The following LCORL variants were observed in gnomAD, a reference collection of about 807,000 sequenced individuals.
LCORL encodes ligand dependent nuclear receptor corepressor like.
Under a neutral mutation model 141.8 loss-of-function variants are expected in LCORL, and 41 were observed. The ratio of observed to expected loss-of-function variants is 0.29; its 90% CI spans 0.23 to 0.38. The LOEUF is 0.38. Ranked by LOEUF, LCORL falls within the 10% of genes least tolerant of loss-of-function variation. The pLI is 1.00. For synonymous variants in LCORL, 618 were observed against 694.1 expected, an observed-to-expected ratio of 0.89 and a Z score of 1.72; for missense variants, 1,759 against 2,035.0, an observed-to-expected ratio of 0.86 and a Z score of 2.61.
intron 1 of LCORL, among the ~76,000 whole-genome samples, chr4:17,982,557 G>C (rs1246821204): frequency 6.6e-6 from 1 of 152,116 alleles, no homozygotes; most frequent in African/African-American, 2.4e-5. Flanking sequence ...ATACTTGTTG[G>C]CTGCATGCAC....
intron 1 of LCORL, among the ~76,000 whole-genome samples, chr4:17,995,570 T>G (rs545223742): frequency 6.6e-6 from 1 of 152,118 alleles, no homozygotes; most frequent in Non-Finnish European, 1.5e-5. Context: ...TTTCCCTAAT[T>G]TATACTTATG....
chr4:17,911,350 C>A (rs1387839868), intron 4 of LCORL, among the ~76,000 whole-genome samples: 1 of 152,128 alleles, frequency 6.6e-6, no homozygotes, highest in African/African-American at 2.4e-5. Context: ...AAAACCTATG[C>A]ATAGGTTTCA....
intron 7 of LCORL, among the ~76,000 whole-genome samples, chr4:17,872,167 G>A (rs927592374): frequency 6.6e-6 from 1 of 150,804 alleles, no homozygotes; most frequent in Non-Finnish European, 1.5e-5. Flanking sequence ...ATTTCCAAAT[G>A]TAAAATTTCT....
intron 4 of LCORL, among the ~76,000 whole-genome samples, chr4:17,919,090 A>G (rs1382177730): frequency 6.6e-6 from 1 of 152,196 alleles, no homozygotes; most frequent in Non-Finnish European, 1.5e-5. Flanking sequence ...TCTTAAAAAA[A>G]CACAAAAGAT....
Position 17,985,957 on chromosome 4 carries a change from A to G in LCORL, c.155-13072T>C, listed in dbSNP as rs147272406. The stretch of plus-strand genomic sequence containing the variant: ...AGATCTCTTGTAAGGCAGGTCTGAT[A>G]GTAACAAATACCCTCAGTATTTGCT... On this transcript the variant is annotated intron_variant, in intron 1 of 7. Coordinates refer to ENST00000635767, the Ensembl canonical transcript of LCORL. 2.8e-4 allele frequency among the ~76,000 whole-genome samples: 43 copies of G among 152,302 alleles called. No individual in the cohort carries two copies. In the East Asian group the frequency reaches 3.3e-3, roughly 12 times the overall value.
At chr4:17,974,381 A>G (rs1345291855) in intron 1 of LCORL, among the ~76,000 whole-genome samples, 2 of 152,174 alleles carry the variant, frequency 1.3e-5, no homozygotes, top group East Asian at 3.8e-4. Flanking sequence ...GCTGACAAAT[A>G]CATCTTTTTG....
chr4:17,998,217 G>C (rs1194235661), intron 1 of LCORL, among the ~76,000 whole-genome samples: 2 of 152,158 alleles, frequency 1.3e-5, no homozygotes, highest in Admixed American at 6.5e-5. Context: ...AAGTTGCTCT[G>C]GGTGAGTGAG....
In LCORL at chr4:17,980,955, T is replaced by C. The variant is rs760724895; in HGVS notation, c.155-8070A>G. ...AACCATGCCCCTGTCCATGGAAAAATTGTCTTTCACAAAACTGGTCCCTGG... is the reference window on the plus strand; with the variant it reads ...AACCATGCCCCTGTCCATGGAAAAACTGTCTTTCACAAAACTGGTCCCTGG... On this transcript the variant is annotated intron_variant, in intron 1 of 7. Coordinates refer to ENST00000635767, the Ensembl canonical transcript of LCORL. Among the ~76,000 whole-genome samples the C allele has an allele frequency of 1.4e-4, 22 of 152,168 alleles. No individual in the cohort carries two copies. In the East Asian group the frequency reaches 1.9e-3, roughly 13 times the overall value.
intron 2 of LCORL, among the ~76,000 whole-genome samples, chr4:17,968,455 T>C (rs1052168785): frequency 6.6e-6 from 1 of 152,194 alleles, no homozygotes; most frequent in African/African-American, 2.4e-5. Flanking sequence ...TCACAGCATC[T>C]AAGACAAAAT....
chr4:17,925,797 G>A (rs112587869), intron 4 of LCORL, among the ~76,000 whole-genome samples: 1 of 150,716 alleles, frequency 6.6e-6, no homozygotes, highest in Admixed American at 6.6e-5. Context: ...TTTGAACCTG[G>A]GAGGTGGAGG....
chr4:17,966,916 T>TC (rs1368808678), intron 2 of LCORL, among the ~76,000 whole-genome samples: 1 of 152,132 alleles, frequency 6.6e-6, no homozygotes, highest in East Asian at 1.9e-4. Flanking sequence ...TCAATGATGC[T>TC]CCTAAATATT....
At chr4:17,855,588 T>C (rs1724264839) in intron 7 of LCORL, among the ~76,000 whole-genome samples, 1 of 152,214 alleles carries the variant, frequency 6.6e-6, no homozygotes, top group Non-Finnish European at 1.5e-5. Context: ...AATTTTGCAG[T>C]GTCTTCCCAT....
At chr4:17,995,950 T>C (rs1186010060) in intron 1 of LCORL, among the ~76,000 whole-genome samples, 2 of 152,108 alleles carry the variant, frequency 1.3e-5, no homozygotes, top group African/African-American at 4.8e-5. Context: ...ACTTGGAATA[T>C]TATCAACACC....
chr4:17,884,910 CA>C lies in LCORL; in HGVS notation c.776+1157del, dbSNP rs199862708. ...GTGAGATGTAGTAGTTACTCCTTATCAAAGCAAACGCTACAGTCCTGGTAGG... is the reference window on the plus strand; with the variant it reads ...GTGAGATGTAGTAGTTACTCCTTATCAAGCAAACGCTACAGTCCTGGTAGG... On this transcript the variant is annotated intron_variant, in intron 6 of 7. Coordinates refer to ENST00000635767, the Ensembl canonical transcript of LCORL. The surrounding 1 kb of genome is among the most constrained non-coding windows in gnomAD (Gnocchi z 4.4). 6.4e-4 allele frequency among the ~76,000 whole-genome samples: 97 copies of C among 152,044 alleles called. 1 individual carries two copies. The East Asian group carries it at 0.018, about 28-fold the overall frequency.
chr4:17,990,170 C>G (rs1719730889), intron 1 of LCORL, among the ~76,000 whole-genome samples: 1 of 146,666 alleles, frequency 6.8e-6, no homozygotes, highest in African/African-American at 2.5e-5. Flanking sequence ...ACGATCTCGG[C>G]TCACTGCAAG....
At chr4:17,921,973 A>G (rs1272518125) in intron 4 of LCORL, among the ~76,000 whole-genome samples, 2 of 152,154 alleles carry the variant, frequency 1.3e-5, no homozygotes, top group African/African-American at 2.4e-5. Context: ...GTGGTTTGAC[A>G]GGGGCTCTCA....
chr4:17,846,951 CTG>C (rs989923254), intron 7 of LCORL, among the ~76,000 whole-genome samples: 5 of 152,166 alleles, frequency 3.3e-5, no homozygotes, highest in African/African-American at 7.2e-5. Context: ...ATTCTTTTCT[CTG>C]TGAAGATAAG....
chr4:17,983,917 C>T (rs1158393126), intron 1 of LCORL, among the ~76,000 whole-genome samples: 1 of 151,996 alleles, frequency 6.6e-6, no homozygotes, highest in Non-Finnish European at 1.5e-5. Flanking sequence ...TCATATGTGG[C>T]TCTTATTATT....
At chr4:17,934,034 A>G (rs58902160) in intron 4 of LCORL, among the ~76,000 whole-genome samples, 1 of 152,052 alleles carries the variant, frequency 6.6e-6, no homozygotes, top group Non-Finnish European at 1.5e-5. Flanking sequence ...CTATGATTTT[A>G]AGACTCTTCC....
Sources: allele counts gnomAD v4.1 joint callset (sites outside exome capture counted in the v4.1 genomes callset), GRCh38; gene constraint gnomAD v4.1.1; non-coding constraint Gnocchi (gnomAD v3.1); transcripts MANE v1.5; gene names NCBI Gene and HGNC (gene_info 2026-07-23, HGNC 2026-07-21).